Variants in ADGRB3 observed in about 807,000 individuals in gnomAD.
The protein encoded by ADGRB3 is brain-specific angiogenesis inhibitor 3.
ADGRB3 carries 37 observed loss-of-function variants against 193.4 expected under a neutral mutation model. The ratio of observed to expected loss-of-function variants is 0.19; its 90% CI spans 0.15 to 0.25. The LOEUF (loss-of-function observed/expected upper bound fraction) is 0.25, where lower values mean the gene tolerates loss of function less well. Among genes scored for constraint, ADGRB3 ranks in the 10% least tolerant of loss-of-function variants. The pLI is 1.00. For synonymous variants in ADGRB3, 690 were observed against 644.2 expected (o/e 1.07, Z -1.08); for missense variants, 1,637 against 1,852.9 (o/e 0.88, Z 2.14).
intron 17 of ADGRB3, among the ~76,000 whole-genome samples, chr6:69,099,859 A>G (rs1384248): frequency 0.32 from 48,479 of 152,110 alleles, 9,441 homozygotes; most frequent in East Asian, 0.86. Flanking sequence ...GCCAGGCTTA[A>G]TGCCATTACT....
intron 3 of ADGRB3, among the ~76,000 whole-genome samples, chr6:68,919,741 T>C (rs1766984402): frequency 6.6e-6 from 1 of 152,206 alleles, no homozygotes; most frequent in Admixed American, 6.6e-5. Flanking sequence ...AGAATCATGA[T>C]GAACGTGACA....
At chr6:69,193,432 TG>T (rs1765235474) in intron 17 of ADGRB3, among the ~76,000 whole-genome samples, 1 of 152,118 alleles carries the variant, frequency 6.6e-6, no homozygotes, top group Non-Finnish European at 1.5e-5. Flanking sequence ...TGTTAGTGGG[TG>T]TGGATGTGCT....
chr6:69,117,354 A>G (rs896902863), intron 17 of ADGRB3, among the ~76,000 whole-genome samples: 3 of 152,220 alleles, frequency 2.0e-5, no homozygotes, highest in Admixed American at 6.5e-5. Flanking sequence ...ATTGAAAAGT[A>G]TAATCCACTG....
intron 3 of ADGRB3, among the ~76,000 whole-genome samples, chr6:68,669,254 A>T (rs1430695527): frequency 6.6e-6 from 1 of 151,926 alleles, no homozygotes; most frequent in Non-Finnish European, 1.5e-5. Flanking sequence ...GTTTTTTAAA[A>T]ATGTACAATG....
At chr6:68,860,407 C>G (rs1765120175) in intron 3 of ADGRB3, among the ~76,000 whole-genome samples, 1 of 152,122 alleles carries the variant, frequency 6.6e-6, no homozygotes, top group Non-Finnish European at 1.5e-5. Context: ...CATTCTGGAG[C>G]CCCAGTGTAT....
At chr6:68,813,270 T>C (rs1319378476) in intron 3 of ADGRB3, among the ~76,000 whole-genome samples, 1 of 152,116 alleles carries the variant, frequency 6.6e-6, no homozygotes, top group South Asian at 2.1e-4. Flanking sequence ...CCCCAGCCAT[T>C]TGGAACTGTA....
intron 20 of ADGRB3, among the ~76,000 whole-genome samples, chr6:69,320,565 T>G (rs542492185): frequency 4.1e-4 from 62 of 151,668 alleles, no homozygotes; most frequent in African/African-American, 1.4e-3. Flanking sequence ...TTAAAAAATA[T>G]CTTTCTTTAT....
intron 17 of ADGRB3, among the ~76,000 whole-genome samples, chr6:69,149,076 T>G (rs1261700630): frequency 6.6e-6 from 1 of 152,158 alleles, no homozygotes; most frequent in East Asian, 1.9e-4. Context: ...ATATTGATAT[T>G]TTTCACTAGG....
intron 3 of ADGRB3, among the ~76,000 whole-genome samples, chr6:68,709,195 A>C (rs1765371626): frequency 6.6e-6 from 1 of 152,220 alleles, no homozygotes; most frequent in Admixed American, 6.5e-5. Context: ...AATGAGATGC[A>C]GATACTTTAG....
chr6:68,783,150 C>T lies in ADGRB3; in HGVS notation c.757+143718C>T, dbSNP rs997063064. 3.3e-5 allele frequency among the ~76,000 whole-genome samples: 5 copies of T among 151,350 alleles called. No individual in the cohort carries two copies. The East Asian group carries it at 5.8e-4, about 18-fold the overall frequency. On this transcript the variant is annotated intron_variant, in intron 3 of 31. Coordinates refer to ENST00000370598, the MANE Select transcript of ADGRB3 (RefSeq NM_001704.3). ...AACCCTCTGAGTCCGGTTTGTTACT[C>T]CTATTTTACAGATGATAAAATTGAG...
At chr6:69,122,334 A>G (rs1369481449) in intron 17 of ADGRB3, among the ~76,000 whole-genome samples, 1 of 151,302 alleles carries the variant, frequency 6.6e-6, no homozygotes, top group African/African-American at 2.4e-5. Flanking sequence ...CTGTAATCCC[A>G]GGCACTCGGC....
At chr6:68,665,188 G>A (rs757104972) in intron 3 of ADGRB3, among the ~76,000 whole-genome samples, 2 of 150,822 alleles carry the variant, frequency 1.3e-5, no homozygotes, top group Admixed American at 1.3e-4. Flanking sequence ...TGCTCTACAC[G>A]TTCAGAGAAA....
At chr6:69,258,592 A>G (rs6922214) in intron 20 of ADGRB3, among the ~76,000 whole-genome samples, 21,406 of 152,308 alleles carry the variant, frequency 0.14, 1,573 homozygotes, top group Middle Eastern at 0.16. Flanking sequence ...AAAATGGTGT[A>G]TAGTCCAGAG....
chr6:69,378,754 A>C (rs1769885250), intron 30 of ADGRB3, among the ~76,000 whole-genome samples: 2 of 152,024 alleles, frequency 1.3e-5, no homozygotes, highest in African/African-American at 4.8e-5. Flanking sequence ...ACTTGGAGAA[A>C]TATGCTATCA....
intron 16 of ADGRB3, among the ~76,000 whole-genome samples, chr6:69,075,023 G>A (rs1772187950): frequency 6.6e-6 from 1 of 152,170 alleles, no homozygotes; most frequent in African/African-American, 2.4e-5. Flanking sequence ...AGATTGCAGT[G>A]TATGAGTAAT....
intron 10 of ADGRB3, among the ~76,000 whole-genome samples, chr6:68,977,058 A>G (rs1768771767): frequency 6.7e-6 from 1 of 148,934 alleles, no homozygotes; most frequent in African/African-American, 2.4e-5. Flanking sequence ...AAGATTTTAT[A>G]TTTATATATT....
chr6:68,725,931 T>A (rs1269253602), intron 3 of ADGRB3, among the ~76,000 whole-genome samples: 1 of 151,540 alleles, frequency 6.6e-6, no homozygotes, highest in African/African-American at 2.4e-5. Flanking sequence ...TAGTCAAGAT[T>A]AAAATAGAGG....
intron 26 of ADGRB3, among the ~76,000 whole-genome samples, chr6:69,349,997 A>G (rs1280820518): frequency 6.6e-6 from 1 of 152,138 alleles, no homozygotes; most frequent in Non-Finnish European, 1.5e-5. Flanking sequence ...ATGACGCGCT[A>G]CCAGCTGCCT....
At chr6:68,733,646 A>C (rs545567660) in intron 3 of ADGRB3, among the ~76,000 whole-genome samples, 18 of 92,612 alleles carry the variant, frequency 1.9e-4, no homozygotes, top group African/African-American at 8.2e-4. Flanking sequence ...GATGGATACC[A>C]GAGCTGGGAA....
Sources: gnomAD v4.1 joint callset for allele counts (sites outside exome capture counted in the v4.1 genomes callset) on GRCh38, gnomAD v4.1.1 for gene constraint, MANE v1.5 for transcripts, NCBI Gene and HGNC (gene_info 2026-07-23, HGNC 2026-07-21) for gene names.